The following GAN variants were observed in gnomAD, a reference collection of about 807,000 sequenced individuals.
GAN encodes gigaxonin, also known as epididymis secretory sperm binding protein.
In GAN, 48 loss-of-function variants were observed where a neutral mutation model predicts 71.3. That is an observed-to-expected ratio of 0.67 (90% CI 0.53 to 0.86). The LOEUF (loss-of-function observed/expected upper bound fraction) is 0.86. GAN is among the 40% of genes least tolerant of loss of function. The pLI, the probability that GAN is intolerant of heterozygous loss-of-function variation, is 0.00. For synonymous variants in GAN, 386 were observed against 276.8 expected (o/e 1.39, Z -3.92); for missense variants, 928 against 770.1 (o/e 1.21, Z -2.43).
Position 81,385,814 on chromosome 16 carries a change from C to T in GAN, c.*8218C>T, listed in dbSNP as rs1009736670. 6.6e-6 allele frequency: 1 copy of T among 151,094 alleles called. No individual in the cohort carries two copies. The highest frequency in any genetic ancestry group is 6.6e-5 in the Admixed American group (1 of 15,142). The allele number at this position is 151,094 out of a possible 1,614,324, so 9.4% of individuals were successfully genotyped here. On this transcript the variant is annotated 3_prime_UTR_variant, in exon 11 of 11. Coordinates refer to ENST00000648994, the MANE Select transcript of GAN (RefSeq NM_022041.4). Reference sequence around the variant, plus strand: ...TGAGATGGAGTCTCGCTCCGTCACCCAGGCTGGAGTGCAGTGGCGCCATCT... The same window carrying T: ...TGAGATGGAGTCTCGCTCCGTCACCTAGGCTGGAGTGCAGTGGCGCCATCT...
intron 5 of GAN, among the ~76,000 whole-genome samples, chr16:81,359,901 C>T (rs1910615485): frequency 6.6e-6 from 1 of 152,202 alleles, no homozygotes; most frequent in Non-Finnish European, 1.5e-5. Context: ...TCTTACTTTA[C>T]TGAACTCACC....
In GAN at chr16:81,382,324, T is replaced by C. The variant is rs1178130976; in HGVS notation, c.*4728T>C. On this transcript the variant is annotated 3_prime_UTR_variant, in exon 11 of 11. Coordinates refer to ENST00000648994, the MANE Select transcript of GAN (RefSeq NM_022041.4). ...TTAGTAATAGAATAATCATTTTTAG[T>C]ATTAATACAATTTACGCTCCCAAAC... is the stretch of plus-strand genomic sequence containing the variant. The C allele has an allele frequency of 6.6e-6, 1 of 152,206 alleles. No homozygotes were observed. Among genetic ancestry groups the C allele is most frequent in the Non-Finnish European group, 1.5e-5 (1 of 68,036 alleles). The allele number at this position is 152,206 out of a possible 1,614,324, so 9.4% of individuals were successfully genotyped here. A position where few individuals can be genotyped will look rare whatever the true frequency, so the allele number is the denominator to read the frequency against.
rs1377129420 is a variant in GAN, at chr16:81,377,717, T to C, written c.*121T>C. ...GCTGGGCTTTGGTATGGTAACTCTTTGGTGGTTTTATGATGCTTACAAACT... is the reference window on the plus strand; with the variant it reads ...GCTGGGCTTTGGTATGGTAACTCTTCGGTGGTTTTATGATGCTTACAAACT... On this transcript the variant is annotated 3_prime_UTR_variant, in exon 11 of 11. Transcript: ENST00000648994. 22 of 940,598 alleles carry C rather than the reference T, an allele frequency of 2.3e-5. 1 individual carries two copies. The highest frequency in any genetic ancestry group is 1.9e-4 in the East Asian group (8 of 41,774). 58.3% of individuals were successfully genotyped at this position (940,598 alleles called of 1,614,324 possible).
rs112576202 is a variant in GAN at position 81,353,791 on chromosome 16, G to GA, written c.283-604dup. Among the ~76,000 whole-genome samples, 929 of 146,854 alleles carry GA rather than the reference G, an allele frequency of 6.3e-3. 1 individual carries two copies. The highest frequency in any genetic ancestry group is 8.9e-3 in the Non-Finnish European group (593 of 66,436). On this transcript the variant is annotated intron_variant, in intron 2 of 10. Coordinates refer to ENST00000648994, the MANE Select transcript of GAN (RefSeq NM_022041.4). ...AAGGAAAAGTAGATGTTCATAATGA[G>GA]AAAAAAAAAACACCCTTGTATTAGG...
rs542312021 is a variant in GAN, at chr16:81,327,548, T to C, written c.167+12268T>C. Among the ~76,000 whole-genome samples the C allele has an allele frequency of 1.3e-4, 19 of 151,486 alleles. No individual in the cohort carries two copies. In the South Asian group the frequency reaches 3.7e-3, roughly 30 times the overall value. ...AAAAAGACAAGTACAAAGACAATAA[T>C]AAATTCACATAAATTCCTGCTTTCA... On this transcript the variant is annotated intron_variant, in intron 1 of 10. Coordinates refer to ENST00000648994, the MANE Select transcript of GAN (RefSeq NM_022041.4).
chr16:81,336,730 G>A (rs115893574), intron 1 of GAN, among the ~76,000 whole-genome samples: 3,210 of 151,696 alleles, frequency 0.021, 62 homozygotes, highest in East Asian at 0.082. Context: ...CTCCCACCTC[G>A]GCCTCCAAAA....
intron 4 of GAN, 148 bp from the exon 5 acceptor site, chr16:81,357,662 G>A (rs1205738160): frequency 1.4e-6 from 1 of 733,146 alleles, no homozygotes; most frequent in African/African-American, 1.8e-5. Flanking sequence ...CCTAGTTCTA[G>A]ATCCCTGAGG....
At chr16:81,352,813 C>G (rs1012861407) in intron 2 of GAN, among the ~76,000 whole-genome samples, 10 of 152,180 alleles carry the variant, frequency 6.6e-5, no homozygotes, top group Non-Finnish European at 1.3e-4. Flanking sequence ...CAGAGATGCT[C>G]TGTAGCATCA....
chr16:81,335,030 C>T (rs1909708662), intron 1 of GAN, among the ~76,000 whole-genome samples: 1 of 151,536 alleles, frequency 6.6e-6, no homozygotes, highest in Admixed American at 6.6e-5. Flanking sequence ...AAAAATAAAG[C>T]AAGGGAAGGG....
At chr16:81,369,478 C>CA (rs1334186208) in intron 9 of GAN, among the ~76,000 whole-genome samples, 1 of 152,194 alleles carries the variant, frequency 6.6e-6, no homozygotes, top group African/African-American at 2.4e-5. Flanking sequence ...TTATTTCAAA[C>CA]ATGTTATCAA....
intron 1 of GAN, among the ~76,000 whole-genome samples, chr16:81,317,823 CA>C (rs1310235244): frequency 3.3e-5 from 5 of 151,964 alleles, no homozygotes; most frequent in Admixed American, 1.3e-4. Flanking sequence ...CATACTGTGT[CA>C]TTTTGGTTTC....
chr16:81,337,375 C>T (rs1909798747), intron 1 of GAN, among the ~76,000 whole-genome samples: 1 of 152,192 alleles, frequency 6.6e-6, no homozygotes, highest in Non-Finnish European at 1.5e-5. Context: ...CTCTTGCATT[C>T]TATTTAAATA....
At chr16:81,359,628 A>T (rs1910606050) in intron 5 of GAN, among the ~76,000 whole-genome samples, 2 of 152,008 alleles carry the variant, frequency 1.3e-5, no homozygotes, top group Admixed American at 1.3e-4. Context: ...CCATACTCTT[A>T]CAGTTTTAAA....
chr16:81,366,185 T>C (rs1294790217), intron 9 of GAN, among the ~76,000 whole-genome samples: 1 of 152,176 alleles, frequency 6.6e-6, no homozygotes, highest in Non-Finnish European at 1.5e-5. Context: ...TCCAGACAAG[T>C]CTCTGGGGTT....
intron 9 of GAN, among the ~76,000 whole-genome samples, chr16:81,368,114 A>G (rs310026): frequency 0.019 from 2,834 of 152,350 alleles, 79 homozygotes; most frequent in African/African-American, 0.059. Context: ...GAAAAAAGCC[A>G]TATCTTATTC....
At chr16:81,343,999 A>G (rs543272709) in intron 1 of GAN, among the ~76,000 whole-genome samples, 1 of 152,296 alleles carries the variant, frequency 6.6e-6, no homozygotes, top group Admixed American at 6.5e-5. Context: ...TCATGAGTGA[A>G]CTCCCATTCA....
intron 3 of GAN, among the ~76,000 whole-genome samples, chr16:81,355,306 C>A (rs1910449848): frequency 6.6e-6 from 1 of 152,116 alleles, no homozygotes; most frequent in East Asian, 1.9e-4. Context: ...AGAATATCAG[C>A]CTCTAGATCC....
At chr16:81,322,448 C>T (rs988462164) in intron 1 of GAN, among the ~76,000 whole-genome samples, 1 of 152,122 alleles carries the variant, frequency 6.6e-6, no homozygotes, top group African/African-American at 2.4e-5. Context: ...AGGGCCAATG[C>T]GTATCATAAA....
At chr16:81,370,159 C>T (rs534698963) in intron 9 of GAN, among the ~76,000 whole-genome samples, 9 of 152,322 alleles carry the variant, frequency 5.9e-5, no homozygotes, top group East Asian at 5.8e-4. Context: ...GGGCTAATGT[C>T]GGCTGTATAT....
Sources: gnomAD v4.1 joint callset for allele counts (sites outside exome capture counted in the v4.1 genomes callset) on GRCh38, gnomAD v4.1.1 for gene constraint, MANE v1.5 for transcripts, NCBI Gene and HGNC (gene_info 2026-07-23, HGNC 2026-07-21) for gene names.